SMARCA4: variants seen among roughly 807,000 people sequenced by gnomAD.
The protein encoded by SMARCA4 is SWI/SNF-related matrix-associated actin-dependent regulator of chromatin subfamily A member 4.
In SMARCA4, 31 loss-of-function variants were observed where a neutral mutation model predicts 193.9. The ratio of observed to expected loss-of-function variants is 0.16; its 90% CI spans 0.12 to 0.22. The LOEUF (loss-of-function observed/expected upper bound fraction) is 0.22. SMARCA4 is among the 10% of genes least tolerant of loss of function. The pLI is 1.00. For missense variants in SMARCA4, 1,148 were observed against 2,296.0 expected (o/e 0.50, Z 10.22); for synonymous variants, 942 against 933.1 (o/e 1.01, Z -0.17).
At chr19:11,035,685 G>A (rs1375025255) in intron 29 of SMARCA4, among the ~76,000 whole-genome samples, 2 of 152,242 alleles carry the variant, frequency 1.3e-5, no homozygotes, top group African/African-American at 4.8e-5. Context: ...TGACGTGAGG[G>A]CCCGTTCTCA....
chr19:11,007,706 T>A (rs2088366310), intron 13 of SMARCA4, among the ~76,000 whole-genome samples, 196 bp from the exon 14 acceptor site: 1 of 152,080 alleles, frequency 6.6e-6, no homozygotes, highest in Non-Finnish European at 1.5e-5. Flanking sequence ...GAGACTCCCA[T>A]ATATTAAAAA....
At chr19:10,992,257 A>G (rs1600036205) in intron 8 of SMARCA4, among the ~76,000 whole-genome samples, 1 of 149,872 alleles carries the variant, frequency 6.7e-6, no homozygotes, top group African/African-American at 2.5e-5. Context: ...GATTACAGGC[A>G]CCTGCCACCA....
At chr19:11,048,879 TC>T (rs1262231487) in intron 30 of SMARCA4, among the ~76,000 whole-genome samples, 1 of 152,218 alleles carries the variant, frequency 6.6e-6, no homozygotes, top group Non-Finnish European at 1.5e-5. Flanking sequence ...ACTCTGTTCT[TC>T]TGCACTCAGA....
At position 10,987,882 on chromosome 19, in the gene SMARCA4, G is replaced by A. The variant is rs148530368; in HGVS notation, c.1076G>A (p.Arg359Gln). ...CGCATCACCCCCATCCAGAAGCCGC[G>A]GGGCCTCGACCCTGTGGAGATCCTG... ...QSRITPIQKP[R>Q]GLDPVEILQE... The change falls in exon 6 of 35, where the codon CGG (arginine) becomes CAG (glutamine). Residue 359 changes from arginine to glutamine, a missense_variant. By Grantham distance (43) the Arg-to-Gln change is conservative. Around this residue, in one of 17 missense-constraint regions of SMARCA4, gnomAD observed 257 missense variants for 276.5 expected, o/e 0.93. Transcript: ENST00000344626. The surrounding 1 kb of genome is among the most constrained non-coding windows in gnomAD (Gnocchi z 5.3). 3.6e-4 allele frequency: 583 copies of A among 1,612,980 alleles called. No homozygotes were observed. The highest frequency in any genetic ancestry group is 5.2e-4 in the Middle Eastern group (3 of 5,770).
chr19:10,971,559 A>G (rs1810514373), intron 1 of SMARCA4, among the ~76,000 whole-genome samples: 1 of 150,904 alleles, frequency 6.6e-6, no homozygotes, highest in South Asian at 2.1e-4. Flanking sequence ...CAGTGGTGCA[A>G]TCATAGCTCA....
intron 30 of SMARCA4, among the ~76,000 whole-genome samples, chr19:11,053,608 A>G (rs2076385946): frequency 6.6e-6 from 1 of 152,192 alleles, no homozygotes; most frequent in Non-Finnish European, 1.5e-5. Context: ...AGGCCCAGCA[A>G]GCCTCAAATA....
intron 1 of SMARCA4, among the ~76,000 whole-genome samples, chr19:10,977,167 G>A (rs1410603527): frequency 2.6e-5 from 4 of 152,204 alleles, no homozygotes; most frequent in East Asian, 1.9e-4. Flanking sequence ...GTCCTGGATC[G>A]CACCTAGGGG....
Position 10,985,201 on chromosome 19 carries a change from G to T in SMARCA4, c.223-72G>T. On this transcript the variant is annotated intron_variant, in intron 2 of 34. Transcript: ENST00000344626. The surrounding 1 kb of genome is among the most constrained non-coding windows in gnomAD (Gnocchi z 4.5). ...TTCTCGGTGCCCTCGAGCTTCTCTC[G>T]GGCAGCGCATAGCTGCGCTGCCACC... 6.5e-7 allele frequency: 1 copy of T among 1,539,402 alleles called. No individual in the cohort carries two copies. The highest frequency in any genetic ancestry group is 9.0e-7 in the Non-Finnish European group (1 of 1,114,116).
intron 23 of SMARCA4, among the ~76,000 whole-genome samples, chr19:11,027,401 C>T (rs1342497733): frequency 1.3e-5 from 2 of 152,170 alleles, no homozygotes; most frequent in Non-Finnish European, 2.9e-5. Context: ...ATGGGTGTCT[C>T]CAGTGTGGCA....
rs1437849909 is a variant in SMARCA4 at position 11,031,648 on chromosome 19, CAGCCATCT to C, written c.3546+757_3546+764del. ...CGCCGAGTGCACATCGGAAGCTACC[CAGCCATCT>C]AATCGGCCACCAGGCGTCCCGGCAG... On this transcript the variant is annotated intron_variant, in intron 25 of 34. Coordinates refer to ENST00000344626, the MANE Select transcript of SMARCA4 (RefSeq NM_003072.5). This position sits in a 1 kb window ranked among gnomAD's most constrained non-coding sequence, Gnocchi z 4.3. 2 of 152,274 alleles carry C rather than the reference CAGCCATCT, an allele frequency of 1.3e-5. No individual in the cohort carries two copies. Among genetic ancestry groups the C allele is most frequent in the Admixed American group, 6.5e-5 (1 of 15,288 alleles). 9.4% of individuals were successfully genotyped at this position (152,274 alleles called of 1,614,324 possible).
intron 1 of SMARCA4, among the ~76,000 whole-genome samples, chr19:10,981,301 G>A (rs1273635774): frequency 6.6e-6 from 1 of 152,236 alleles, no homozygotes; most frequent in African/African-American, 2.4e-5. Context: ...GGAGGTAGCT[G>A]CAGGCGCATC....
rs780138299 is a variant in SMARCA4, at chr19:11,003,385, A to G, written c.1989A>G (p.Glu663=). 1.2e-6 allele frequency: 2 copies of G among 1,613,910 alleles called. No homozygotes were observed. The highest frequency in any genetic ancestry group is 1.7e-6 in the Non-Finnish European group (2 of 1,179,878). ...PRSDSEESGS[E]EEEEEEEEEQ... is the part of the protein sequence containing the mutation. ...CTGATAGTGAAGAAAGTGGCTCAGAAGAAGAGGAAGAGGTAAGAGTGCATT... is the reference window on the plus strand; with the variant it reads ...CTGATAGTGAAGAAAGTGGCTCAGAGGAAGAGGAAGAGGTAAGAGTGCATT... The change falls in exon 13 of 35, where the codon GAA becomes GAG. Residue 663 remains glutamate (E), a synonymous_variant. Coordinates refer to ENST00000344626, the MANE Select transcript of SMARCA4 (RefSeq NM_003072.5).
At chr19:11,047,268 G>A (rs1425121383) in intron 30 of SMARCA4, among the ~76,000 whole-genome samples, 2 of 152,130 alleles carry the variant, frequency 1.3e-5, no homozygotes, top group Non-Finnish European at 1.5e-5. Context: ...GGCCAAGGTG[G>A]GCGGATCACT....
chr19:11,038,929 A>T (rs552638285), intron 29 of SMARCA4, among the ~76,000 whole-genome samples: 2 of 152,326 alleles, frequency 1.3e-5, no homozygotes, highest in South Asian at 4.1e-4. Flanking sequence ...CAACAACAAT[A>T]AAAAAAGGTG....
At chr19:11,054,130 G>T (rs1009366007) in intron 30 of SMARCA4, among the ~76,000 whole-genome samples, 1 of 152,208 alleles carries the variant, frequency 6.6e-6, no homozygotes, top group Non-Finnish European at 1.5e-5. Flanking sequence ...ACTCACGCTG[G>T]CTCAGTATCT....
intron 9 of SMARCA4, 59 bp downstream of exon 9, chr19:10,995,060 C>G (rs1038816143): frequency 6.8e-7 from 1 of 1,468,782 alleles, no homozygotes; most frequent in Non-Finnish European, 9.4e-7. Flanking sequence ...ACTGCGGGCT[C>G]CAGGGGTCAC....
chr19:11,059,099 A>G (rs1353407547), intron 32 of SMARCA4: 8 of 541,084 alleles, frequency 1.5e-5, no homozygotes, highest in Non-Finnish European at 1.6e-5. Context: ...ACATAACAAG[A>G]CCCTGTCTTT....
intron 8 of SMARCA4, among the ~76,000 whole-genome samples, chr19:10,993,334 C>T (rs1304879633): frequency 1.3e-5 from 2 of 152,240 alleles, no homozygotes; most frequent in Non-Finnish European, 2.9e-5. Flanking sequence ...TTGATGTCTA[C>T]ACTGTATTCC....
In SMARCA4 at chr19:10,995,099, A is replaced by T. The variant is rs563755419; in HGVS notation, c.1593+98A>T. 6.1e-5 allele frequency: 71 copies of T among 1,166,636 alleles called. No individual in the cohort carries two copies. In the African/African-American group the frequency reaches 9.7e-4, roughly 16 times the overall value. 72.3% of individuals were successfully genotyped at this position (1,166,636 alleles called of 1,614,324 possible). ...CCAGGGTTACGCCAAGGCATTTCAC[A>T]GCTCGGAGTTAGAGGTGGGACAGAG... On this transcript the variant is annotated intron_variant, in intron 9 of 34. Coordinates refer to ENST00000344626, the MANE Select transcript of SMARCA4 (RefSeq NM_003072.5).
Sources: allele counts gnomAD v4.1 joint callset (sites outside exome capture counted in the v4.1 genomes callset), GRCh38; gene constraint gnomAD v4.1.1; regional missense constraint gnomAD v4.1.1; non-coding constraint Gnocchi (gnomAD v3.1); transcripts MANE v1.5; gene names NCBI Gene and HGNC (gene_info 2026-07-23, HGNC 2026-07-21).